RBFOX1: variants seen among roughly 807,000 people sequenced by gnomAD.
RBFOX1 encodes the protein RNA binding fox-1 homolog 1.
In RBFOX1, 8 loss-of-function variants were observed where a neutral mutation model predicts 57.7. The ratio of observed to expected loss-of-function variants is 0.14; its 90% CI spans 0.08 to 0.25. The LOEUF is 0.25. Ranked by LOEUF, RBFOX1 falls within the 10% of genes least tolerant of loss-of-function variation. The pLI is 1.00. For missense variants in RBFOX1, 611 were observed against 548.5 expected, an observed-to-expected ratio of 1.11 and a Z score of -1.14; for synonymous variants, 326 against 222.4, an observed-to-expected ratio of 1.47 and a Z score of -4.15.
chr16:7,028,522 G>C (rs1182054035), intron 3 of RBFOX1, among the ~76,000 whole-genome samples: 2 of 149,474 alleles, frequency 1.3e-5, no homozygotes, highest in Non-Finnish European at 3.0e-5. Flanking sequence ...GGGAGGCGGA[G>C]GTTGCAGTGA....
chr16:7,474,813 A>G (rs756771682), intron 4 of RBFOX1, among the ~76,000 whole-genome samples: 2 of 152,216 alleles, frequency 1.3e-5, no homozygotes, highest in African/African-American at 2.4e-5. Context: ...GAGGGTTCTA[A>G]TCATTTAGCC....
chr16:6,094,435 G>A (rs550883337), intron 1 of RBFOX1, among the ~76,000 whole-genome samples: 1 of 152,186 alleles, frequency 6.6e-6, no homozygotes, highest in Non-Finnish European at 1.5e-5. Context: ...GACTCACAGA[G>A]AAAGGCAGAA....
At chr16:6,763,626 A>G (rs994726766) in intron 3 of RBFOX1, among the ~76,000 whole-genome samples, 11 of 152,162 alleles carry the variant, frequency 7.2e-5, no homozygotes, top group Non-Finnish European at 1.6e-4. Context: ...GTGTCTCACC[A>G]ATTACGTATT....
chr16:6,634,439 C>T (rs1440346965), intron 2 of RBFOX1, among the ~76,000 whole-genome samples: 1 of 151,148 alleles, frequency 6.6e-6, no homozygotes, highest in Non-Finnish European at 1.5e-5. Context: ...GGCTGCCTCC[C>T]GGGCTTAGTG....
intron 2 of RBFOX1, among the ~76,000 whole-genome samples, chr16:5,538,377 G>T (rs951597350): frequency 1.2e-4 from 18 of 152,106 alleles, no homozygotes; most frequent in African/African-American, 4.3e-4. Flanking sequence ...TGGGAATGTG[G>T]CATTGCCATG....
intron 4 of RBFOX1, among the ~76,000 whole-genome samples, chr16:6,006,689 G>A (rs75914488): frequency 3.9e-5 from 6 of 152,278 alleles, no homozygotes; most frequent in East Asian, 1.9e-4. Context: ...AGAGAGACCT[G>A]ACAAATGGAG....
intron 4 of RBFOX1, among the ~76,000 whole-genome samples, chr16:7,443,239 C>T (rs1346249649): frequency 6.6e-6 from 1 of 151,858 alleles, no homozygotes. Context: ...CCAACAAATG[C>T]ATTTCTCCAG....
At chr16:7,523,019 C>A (rs901100369) in intron 5 of RBFOX1, among the ~76,000 whole-genome samples, 1 of 152,132 alleles carries the variant, frequency 6.6e-6, no homozygotes, top group Non-Finnish European at 1.5e-5. Context: ...CCCAGGGAAC[C>A]AGTGGGTCTG....
intron 5 of RBFOX1, among the ~76,000 whole-genome samples, chr16:7,551,388 T>C (rs1459482644): frequency 1.3e-5 from 2 of 152,122 alleles, no homozygotes; most frequent in Admixed American, 1.3e-4. Flanking sequence ...GCTCACTGCC[T>C]TGAGAGGGTC....
chr16:7,493,148 G>A (rs1278896501), intron 4 of RBFOX1, among the ~76,000 whole-genome samples: 1 of 152,144 alleles, frequency 6.6e-6, no homozygotes, highest in Non-Finnish European at 1.5e-5. Context: ...CAAAGTGCTG[G>A]GATTACAGGC....
chr16:6,015,735 A>C (rs2094989675), upstream of RBFOX1, among the ~76,000 whole-genome samples: 1 of 152,130 alleles, frequency 6.6e-6, no homozygotes, highest in African/African-American at 2.4e-5. Context: ...TATCTTCTCT[A>C]TTTAGACACG....
intron 3 of RBFOX1, among the ~76,000 whole-genome samples, chr16:6,798,495 C>G (rs962853227): frequency 1.3e-5 from 2 of 152,058 alleles, no homozygotes; most frequent in Admixed American, 1.3e-4. Flanking sequence ...TTGCCTAATT[C>G]TGAACCAGAC....
chr16:6,859,130 C>CGTATATATATACGTATATATATGT (rs1238966168), intron 3 of RBFOX1, among the ~76,000 whole-genome samples: 2 of 82,470 alleles, frequency 2.4e-5, no homozygotes, highest in African/African-American at 1.4e-4. Context: ...TATATATATA[C>CGTATATATATACGTATATATATGT]ATATATATAC....
At chr16:7,429,245 C>G (rs996669904) in intron 4 of RBFOX1, among the ~76,000 whole-genome samples, 8 of 152,224 alleles carry the variant, frequency 5.3e-5, no homozygotes, top group Non-Finnish European at 7.3e-5. Flanking sequence ...CACCCCTTCC[C>G]TGCTCACCCA....
intron 4 of RBFOX1, among the ~76,000 whole-genome samples, chr16:7,365,003 T>C (rs570445723): frequency 1.3e-5 from 2 of 151,808 alleles, no homozygotes; most frequent in South Asian, 4.1e-4. Flanking sequence ...GGGGAATCTA[T>C]CTGTCTGTCT....
intron 3 of RBFOX1, among the ~76,000 whole-genome samples, chr16:7,049,362 C>T (rs1053854239): frequency 6.6e-6 from 1 of 152,090 alleles, no homozygotes; most frequent in Non-Finnish European, 1.5e-5. Context: ...TGTCTGCAGC[C>T]ACCCCTGTTG....
chr16:6,196,823 A>C (rs1389709744), intron 1 of RBFOX1, among the ~76,000 whole-genome samples: 1 of 151,196 alleles, frequency 6.6e-6, no homozygotes, highest in African/African-American at 2.4e-5. Flanking sequence ...CCCTGTTTAC[A>C]TATGGAGACA....
chr16:6,150,268 C>T (rs957764271), intron 1 of RBFOX1, among the ~76,000 whole-genome samples: 2 of 151,966 alleles, frequency 1.3e-5, no homozygotes, highest in African/African-American at 2.4e-5. Context: ...TAACAGAATC[C>T]CCAGGAAGTT....
intron 2 of RBFOX1, among the ~76,000 whole-genome samples, chr16:6,408,425 T>G (rs1383769711): frequency 6.6e-6 from 1 of 152,164 alleles, no homozygotes; most frequent in Non-Finnish European, 1.5e-5. Context: ...TTTAATAGAC[T>G]GAAATTTTCA....
Sources: allele counts gnomAD v4.1 joint callset (sites outside exome capture counted in the v4.1 genomes callset), GRCh38; gene constraint gnomAD v4.1.1; transcripts MANE v1.5; gene names NCBI Gene and HGNC (gene_info 2026-07-23, HGNC 2026-07-21).